The following FAM222B variants were observed in gnomAD, a reference collection of about 807,000 sequenced individuals.
FAM222B encodes the protein family with sequence similarity 222 member B, also known as protein FAM222B.
In FAM222B, 12 loss-of-function variants were observed where a neutral mutation model predicts 38.0. The ratio of observed to expected loss-of-function variants is 0.32; its 90% confidence interval spans 0.20 to 0.51. The LOEUF is 0.51. Ranked by LOEUF, FAM222B falls within the 20% of genes least tolerant of loss-of-function variation. The pLI is 0.97. For synonymous variants in FAM222B, 329 were observed against 317.2 expected (o/e 1.04, Z -0.40); for missense variants, 716 against 754.2 (o/e 0.95, Z 0.59).
At chr17:28,790,884 C>CAATTTTTTTTTTTTTTT (rs71135852) in intron 1 of FAM222B, among the ~76,000 whole-genome samples, 1 of 86,062 alleles carries the variant, frequency 1.2e-5, no homozygotes, top group African/African-American at 4.6e-5. Flanking sequence ...AATTGTTTCA[C>CAATTTTTTTTTTTTTTT]TTTTTTTTTT....
At chr17:28,818,074 A>G (rs1052485419) in intron 1 of FAM222B, among the ~76,000 whole-genome samples, 2 of 152,156 alleles carry the variant, frequency 1.3e-5, no homozygotes, top group Non-Finnish European at 2.9e-5. Flanking sequence ...TTTAAAAGGC[A>G]TGAAGGTGGG....
intron 2 of FAM222B, among the ~76,000 whole-genome samples, chr17:28,761,325 A>G (rs1463805692): frequency 6.6e-6 from 1 of 152,232 alleles, no homozygotes; most frequent in Non-Finnish European, 1.5e-5. Context: ...TCCCCTGAGT[A>G]TACACAAAAG....
In FAM222B at chr17:28,835,671, G is replaced by A. The variant is rs554362164; in HGVS notation, c.-41+7011C>T. Among the ~76,000 whole-genome samples, 47 of 152,062 alleles carry A rather than the reference G, an allele frequency of 3.1e-4. No individual in the cohort carries two copies. In the South Asian group the frequency reaches 9.8e-3, roughly 32 times the overall value. ...CTTTTAAACAAAACAGTTTTTTGTTGTTGTTTTAAATAGGGTCTCACTCTG... is the reference window on the plus strand; with the variant it reads ...CTTTTAAACAAAACAGTTTTTTGTTATTGTTTTAAATAGGGTCTCACTCTG... On this transcript the variant is annotated intron_variant, in intron 1 of 2. Transcript: ENST00000581407.
At chr17:28,815,762 A>C (rs913169188) in intron 1 of FAM222B, among the ~76,000 whole-genome samples, 5 of 152,150 alleles carry the variant, frequency 3.3e-5, no homozygotes, top group African/African-American at 1.2e-4. Context: ...CAGGAGATTG[A>C]GATCAGCCTG....
chr17:28,801,769 C>T (rs558465561), intron 1 of FAM222B, among the ~76,000 whole-genome samples: 14 of 152,072 alleles, frequency 9.2e-5, no homozygotes, highest in African/African-American at 3.1e-4. Context: ...TATATCTTTC[C>T]TTTTAAAGTA....
intron 1 of FAM222B, among the ~76,000 whole-genome samples, chr17:28,775,912 A>C (rs1474114374): frequency 6.7e-6 from 1 of 149,026 alleles, no homozygotes. Flanking sequence ...AAACAAAAAA[A>C]CAAAAAAAAC....
chr17:28,779,746 G>C (rs935239262), intron 1 of FAM222B, among the ~76,000 whole-genome samples: 1 of 135,968 alleles, frequency 7.4e-6, no homozygotes, highest in South Asian at 2.5e-4. Context: ...GCGAGACTCC[G>C]TCTCAAAATA....
rs183076780 is a variant in FAM222B at position 28,821,287 on chromosome 17, T to C, written c.-41+21395A>G. Among the ~76,000 whole-genome samples the C allele has an allele frequency of 7.2e-5, 11 of 152,284 alleles. No individual in the cohort carries two copies. The East Asian group carries it at 1.5e-3, about 21-fold the overall frequency. On this transcript the variant is annotated intron_variant, in intron 1 of 2. Coordinates refer to ENST00000581407, the MANE Select transcript of FAM222B (RefSeq NM_001077498.3). ...ATAATATGAACATTCTAAAGTGATC[T>C]AATAGTACTTATAAAAATATATTGC... is the stretch of plus-strand genomic sequence containing the variant.
chr17:28,784,491 T>TAAAAAAAAAAAAAAA (rs559624246), intron 1 of FAM222B, among the ~76,000 whole-genome samples: 4 of 36,050 alleles, frequency 1.1e-4, no homozygotes, highest in Non-Finnish European at 2.0e-4. Flanking sequence ...TCCCCTCTCT[T>TAAAAAAAAAAAAAAA]AAAAAAAAAA....
chr17:28,805,476 A>G (rs965553993), intron 1 of FAM222B, among the ~76,000 whole-genome samples: 2 of 152,084 alleles, frequency 1.3e-5, no homozygotes, highest in Non-Finnish European at 2.9e-5. Flanking sequence ...TGGAGGTTAC[A>G]GTGAGCCGAG....
chr17:28,767,194 T>G (rs1175589168), intron 1 of FAM222B: 1 of 153,182 alleles, frequency 6.5e-6, no homozygotes, highest in African/African-American at 2.4e-5. Flanking sequence ...TCACTCTTGT[T>G]GCCCAGGCTG....
At chr17:28,779,450 A>C (rs1379382374) in intron 1 of FAM222B, among the ~76,000 whole-genome samples, 10 of 152,092 alleles carry the variant, frequency 6.6e-5, no homozygotes, top group Admixed American at 6.6e-4. Context: ...ATCACAACAG[A>C]TGCAAAAAAG....
chr17:28,822,054 T>C (rs147416517), intron 1 of FAM222B, among the ~76,000 whole-genome samples: 3,361 of 150,992 alleles, frequency 0.022, 55 homozygotes, highest in Middle Eastern at 0.054. Flanking sequence ...CTGGGTGCAG[T>C]GGCTCACGCC....
At chr17:28,812,150 T>C (rs539153516) in intron 1 of FAM222B, 3 of 152,366 alleles carry the variant, frequency 2.0e-5, no homozygotes, top group African/African-American at 4.8e-5. Context: ...CATTTCCCCT[T>C]TTCTTACAAG....
At chr17:28,776,021 T>C (rs2035877401) in intron 1 of FAM222B, among the ~76,000 whole-genome samples, 1 of 141,518 alleles carries the variant, frequency 7.1e-6, no homozygotes, top group Admixed American at 7.1e-5. Flanking sequence ...GGTTGCAGTA[T>C]GCCAAGATCA....
At chr17:28,804,853 T>C (rs558869627) in intron 1 of FAM222B, among the ~76,000 whole-genome samples, 1 of 149,094 alleles carries the variant, frequency 6.7e-6, no homozygotes, top group East Asian at 2.1e-4. Context: ...CCATCCTGGC[T>C]AACACAGTGA....
In FAM222B at chr17:28,802,090, C is replaced by A. The variant is rs369333314; in HGVS notation, c.-40-35383G>T. On this transcript the variant is annotated intron_variant, in intron 1 of 2. Coordinates refer to ENST00000581407, the MANE Select transcript of FAM222B (RefSeq NM_001077498.3). The stretch of plus-strand genomic sequence containing the variant: ...CCCAGCAAACAGCACTTAAAGAAAC[C>A]CCCAGCTTTTTTTTCTGAGAAAGAG... 5.9e-4 allele frequency among the ~76,000 whole-genome samples: 80 copies of A among 136,100 alleles called. 1 individual carries two copies. The highest frequency in any genetic ancestry group is 2.4e-3 in the African/African-American group (75 of 31,488). 89.3% of individuals were successfully genotyped at this position (136,100 alleles called of 152,430 possible). A position where few individuals can be genotyped will look rare whatever the true frequency, so the allele number is the denominator to read the frequency against.
At chr17:28,777,254 A>G (rs1002952353) in intron 1 of FAM222B, 4 of 152,188 alleles carry the variant, frequency 2.6e-5, no homozygotes, top group Non-Finnish European at 4.4e-5. Context: ...TGCTGAACAC[A>G]TGTGGCTCAA....
At chr17:28,779,791 T>TAAAG (rs1350122863) in intron 1 of FAM222B, among the ~76,000 whole-genome samples, 1 of 150,542 alleles carries the variant, frequency 6.6e-6, no homozygotes, top group African/African-American at 2.5e-5. Flanking sequence ...AATAAATAAA[T>TAAAG]AAAGCATCTG....
Sources: allele counts gnomAD v4.1 joint callset (sites outside exome capture counted in the v4.1 genomes callset), GRCh38; gene constraint gnomAD v4.1.1; transcripts MANE v1.5; gene names NCBI Gene and HGNC (gene_info 2026-07-23, HGNC 2026-07-21).